The following CSMD3 variants were observed in gnomAD, a reference collection of about 807,000 sequenced individuals.
The protein encoded by CSMD3 is CUB and Sushi multiple domains 3.
In CSMD3, 177 loss-of-function variants were observed where a neutral mutation model predicts 435.2. The ratio of observed to expected loss-of-function variants is 0.41; its 90% CI spans 0.36 to 0.46. The LOEUF (loss-of-function observed/expected upper bound fraction) is 0.46. Ranked by LOEUF, CSMD3 falls within the 20% of genes least tolerant of loss-of-function variation. The pLI is 0.34. For synonymous variants in CSMD3, 1,656 were observed against 1,520.5 expected (o/e 1.09, Z -2.07); for missense variants, 4,265 against 4,504.6 (o/e 0.95, Z 1.52).
intron 10 of CSMD3, among the ~76,000 whole-genome samples, chr8:112,888,495 C>G (rs188544702): frequency 1.3e-5 from 2 of 151,556 alleles, no homozygotes; most frequent in Non-Finnish European, 3.0e-5. Context: ...CAATGGGGAA[C>G]AGGTGAGGCG....
Position 112,621,150 on chromosome 8 carries a change from G to A in CSMD3, c.3715+15667C>T, listed in dbSNP as rs138891284. ...CTCGGGAGACTGAGGCAGGAGAATCGCTTGAACCTGGGAGGTGGAGGTTGC... is the reference window on the plus strand; with the variant it reads ...CTCGGGAGACTGAGGCAGGAGAATCACTTGAACCTGGGAGGTGGAGGTTGC... On this transcript the variant is annotated intron_variant, in intron 22 of 70. Transcript: ENST00000297405. Among the ~76,000 whole-genome samples the A allele has an allele frequency of 2.3e-3, 353 of 152,170 alleles. 3 individuals are homozygous for A. The highest frequency in any genetic ancestry group is 8.0e-3 in the African/African-American group (334 of 41,538).
chr8:112,690,322 T>A (rs2076103850), intron 13 of CSMD3, among the ~76,000 whole-genome samples: 1 of 151,808 alleles, frequency 6.6e-6, no homozygotes, highest in African/African-American at 2.4e-5. Flanking sequence ...AACAGAAAAA[T>A]TATGATAAGA....
intron 32 of CSMD3, among the ~76,000 whole-genome samples, chr8:112,451,247 G>A (rs1039795896): frequency 1.3e-5 from 2 of 152,046 alleles, no homozygotes; most frequent in Non-Finnish European, 2.9e-5. Context: ...GGATAGTGAA[G>A]TTATAAATGA....
intron 1 of CSMD3, among the ~76,000 whole-genome samples, chr8:113,366,771 T>C (rs183269510): frequency 2.9e-4 from 44 of 152,194 alleles, no homozygotes; most frequent in Admixed American, 2.9e-3. Context: ...TTTATAAACT[T>C]TTCTAAATGT....
At chr8:112,393,228 T>C (rs536494196) in intron 35 of CSMD3, among the ~76,000 whole-genome samples, 1 of 152,246 alleles carries the variant, frequency 6.6e-6, no homozygotes, top group South Asian at 2.1e-4. Flanking sequence ...TGATTTCATC[T>C]CCAGGCTTGT....
At chr8:113,269,696 A>T (rs976091295) in intron 3 of CSMD3, among the ~76,000 whole-genome samples, 6 of 145,222 alleles carry the variant, frequency 4.1e-5, no homozygotes, top group African/African-American at 1.7e-4. Flanking sequence ...CCTGACAAAA[A>T]AAAGAAGAAA....
At chr8:112,387,949 T>G (rs1304134860) in intron 36 of CSMD3, among the ~76,000 whole-genome samples, 2 of 152,208 alleles carry the variant, frequency 1.3e-5, no homozygotes, top group Non-Finnish European at 2.9e-5. Flanking sequence ...AGAATGGACT[T>G]GGCACTGTCC....
intron 5 of CSMD3, among the ~76,000 whole-genome samples, chr8:113,067,830 T>C (rs2088928199): frequency 6.6e-6 from 1 of 152,110 alleles, no homozygotes; most frequent in Admixed American, 6.5e-5. Flanking sequence ...AATGAGTTAA[T>C]ATCGCTCTTT....
chr8:113,241,947 C>CTATA (rs753893968), intron 3 of CSMD3, among the ~76,000 whole-genome samples: 10 of 149,268 alleles, frequency 6.7e-5, no homozygotes, highest in Non-Finnish European at 1.5e-4. Context: ...TAAAAAATTA[C>CTATA]TATATATATA....
intron 11 of CSMD3, among the ~76,000 whole-genome samples, chr8:112,841,881 G>T (rs2080187077): frequency 6.6e-6 from 1 of 151,770 alleles, no homozygotes; most frequent in African/African-American, 2.4e-5. Context: ...TACATCAGAA[G>T]GGGTTAAAAT....
chr8:112,225,039 T>A, intron 70 of CSMD3, 109 bp from the exon 71 acceptor site: 1 of 1,061,506 alleles, frequency 9.4e-7, no homozygotes, highest in Non-Finnish European at 1.5e-6. Context: ...TTAAAAATAT[T>A]AATTGAGACA....
intron 10 of CSMD3, among the ~76,000 whole-genome samples, chr8:112,911,147 CTT>C (rs564907531): frequency 5.0e-4 from 76 of 151,994 alleles, no homozygotes; most frequent in African/African-American, 1.8e-3. Context: ...AGTCATATTA[CTT>C]TTTACCTAAA....
At chr8:112,613,697 A>G (rs1021174524) in intron 22 of CSMD3, among the ~76,000 whole-genome samples, 2 of 152,162 alleles carry the variant, frequency 1.3e-5, no homozygotes, top group Non-Finnish European at 2.9e-5. Flanking sequence ...AGCATCTACT[A>G]TGTACCAAAC....
intron 3 of CSMD3, among the ~76,000 whole-genome samples, chr8:113,220,279 A>G (rs1426555761): frequency 6.6e-6 from 1 of 151,378 alleles, no homozygotes; most frequent in Non-Finnish European, 1.5e-5. Flanking sequence ...TTTCTAGGGA[A>G]AGAAACGAGG....
At chr8:112,683,290 G>A (rs1309737152) in intron 15 of CSMD3, among the ~76,000 whole-genome samples, 1 of 151,984 alleles carries the variant, frequency 6.6e-6, no homozygotes, top group East Asian at 1.9e-4. Context: ...ATTCAAAAGA[G>A]TAATGTTAGA....
At chr8:112,994,630 T>C (rs1465986571) in intron 6 of CSMD3, among the ~76,000 whole-genome samples, 3 of 151,648 alleles carry the variant, frequency 2.0e-5, no homozygotes, top group South Asian at 4.2e-4. Flanking sequence ...ACTGATAAAA[T>C]TGAGATTCCA....
intron 23 of CSMD3, among the ~76,000 whole-genome samples, chr8:112,574,890 A>C (rs1481569431): frequency 6.6e-6 from 1 of 151,862 alleles, no homozygotes; most frequent in African/African-American, 2.4e-5. Flanking sequence ...TTAGAGTAAA[A>C]ATTATGTTGT....
chr8:113,133,788 T>A lies in CSMD3; in HGVS notation c.710-34825A>T, dbSNP rs1378761045. 2.0e-5 allele frequency among the ~76,000 whole-genome samples: 3 copies of A among 152,076 alleles called. No homozygotes were observed. The East Asian group carries it at 5.8e-4, about 29-fold the overall frequency. On this transcript the variant is annotated intron_variant, in intron 4 of 70. Coordinates refer to ENST00000297405, the MANE Select transcript of CSMD3 (RefSeq NM_198123.2). ...CCTTATCTCACATTATAAAGTGAAA[T>A]AAATCCGTTATCAAAATAAATATTG...
intron 3 of CSMD3, among the ~76,000 whole-genome samples, chr8:113,178,470 G>T (rs1159519243): frequency 1.3e-5 from 2 of 151,894 alleles, no homozygotes; most frequent in Non-Finnish European, 2.9e-5. Flanking sequence ...TAGACATGGA[G>T]TTTATGATTT....
Sources: allele counts gnomAD v4.1 joint callset (sites outside exome capture counted in the v4.1 genomes callset), GRCh38; gene constraint gnomAD v4.1.1; transcripts MANE v1.5; gene names NCBI Gene and HGNC (gene_info 2026-07-23, HGNC 2026-07-21).